The following CTNNA3 variants were observed in gnomAD, a reference collection of about 807,000 sequenced individuals.
The protein encoded by CTNNA3 is catenin alpha-3.
A neutral mutation model predicts 95.7 loss-of-function variants in CTNNA3; 76 were observed. That is an observed-to-expected ratio of 0.79 (90% CI 0.66 to 0.96). CTNNA3 has a LOEUF of 0.96. CTNNA3 is among the 40% of genes least tolerant of loss of function. The pLI is 0.00. For missense variants in CTNNA3, 1,191 were observed against 1,089.8 expected, an observed-to-expected ratio of 1.09 and a Z score of -1.31; for synonymous variants, 431 against 374.4, an observed-to-expected ratio of 1.15 and a Z score of -1.74.
intron 10 of CTNNA3, among the ~76,000 whole-genome samples, chr10:66,618,496 A>T (rs1251296182): frequency 2.6e-5 from 4 of 152,144 alleles, no homozygotes; most frequent in Non-Finnish European, 2.9e-5. Flanking sequence ...CTGGGAAAAC[A>T]GGCTAGCCAT....
At chr10:67,074,206 T>A (rs1373869975) in intron 7 of CTNNA3, among the ~76,000 whole-genome samples, 2 of 151,688 alleles carry the variant, frequency 1.3e-5, no homozygotes, top group Non-Finnish European at 2.9e-5. Flanking sequence ...CTAATTTTTG[T>A]ACTTTTAATA....
intron 7 of CTNNA3, among the ~76,000 whole-genome samples, chr10:66,996,647 T>TATAAAAAAAAAA (rs1440460577): frequency 1.1e-4 from 1 of 8,950 alleles, no homozygotes. Flanking sequence ...ACTCCGTCTC[T>TATAAAAAAAAAA]ACAAAAAAAA....
At position 65,961,611 on chromosome 10, in the gene CTNNA3, T is replaced by A. The variant is rs555676673; in HGVS notation, c.2400+5001A>T. Among the ~76,000 whole-genome samples, 7 of 152,200 alleles carry A rather than the reference T, an allele frequency of 4.6e-5. No individual in the cohort carries two copies. The South Asian group carries it at 1.5e-3, about 32-fold the overall frequency. ...ACTGTTAGCTGCCACCCAATATCCA[T>A]TCTCTTTTTCATAGAAACAGAACTC... On this transcript the variant is annotated intron_variant, in intron 17 of 17. Transcript: ENST00000433211.
intron 13 of CTNNA3, among the ~76,000 whole-genome samples, chr10:66,105,437 C>A (rs1287199576): frequency 1.3e-5 from 2 of 152,184 alleles, no homozygotes; most frequent in African/African-American, 4.8e-5. Context: ...TGAAGGCTGT[C>A]TGGTGTCCCT....
At chr10:66,493,004 G>GA (rs140610495) in intron 11 of CTNNA3, among the ~76,000 whole-genome samples, 5,438 of 151,984 alleles carry the variant, frequency 0.036, 321 homozygotes, top group African/African-American at 0.12. Flanking sequence ...GAATTGTGTT[G>GA]AAAAAAGAAT....
At chr10:66,624,666 G>A (rs1006998338) in intron 9 of CTNNA3, among the ~76,000 whole-genome samples, 1 of 152,096 alleles carries the variant, frequency 6.6e-6, no homozygotes, top group Non-Finnish European at 1.5e-5. Flanking sequence ...AAAACTCAAT[G>A]TCTTAGCCAA....
chr10:67,142,079 T>C (rs1375219878), intron 7 of CTNNA3, among the ~76,000 whole-genome samples: 1 of 152,138 alleles, frequency 6.6e-6, no homozygotes, highest in Non-Finnish European at 1.5e-5. Context: ...AGATTAATCT[T>C]CTTCAACAAA....
At chr10:66,092,182 TCAA>T (rs1444207369) in intron 14 of CTNNA3, among the ~76,000 whole-genome samples, 1 of 151,850 alleles carries the variant, frequency 6.6e-6, no homozygotes, top group Non-Finnish European at 1.5e-5. Flanking sequence ...ATATACACAA[TCAA>T]CAACGTTCAA....
intron 3 of CTNNA3, among the ~76,000 whole-genome samples, chr10:67,601,884 CCT>C (rs1474868176): frequency 6.6e-6 from 1 of 152,122 alleles, no homozygotes; most frequent in African/African-American, 2.4e-5. Context: ...TTATACTACC[CCT>C]GTTTCACCTT....
intron 7 of CTNNA3, among the ~76,000 whole-genome samples, chr10:66,870,627 C>T (rs1257091025): frequency 2.0e-5 from 3 of 152,128 alleles, no homozygotes; most frequent in Non-Finnish European, 4.4e-5. Context: ...ACATTCTAAG[C>T]TTTAGCCATG....
chr10:67,693,991 C>G (rs1840916520), intron 1 of CTNNA3, among the ~76,000 whole-genome samples: 1 of 152,158 alleles, frequency 6.6e-6, no homozygotes, highest in Non-Finnish European at 1.5e-5. Flanking sequence ...CAGATTTTCT[C>G]CAAATACTTC....
intron 5 of CTNNA3, among the ~76,000 whole-genome samples, chr10:67,232,628 T>C (rs1473981392): frequency 6.6e-6 from 1 of 150,378 alleles, no homozygotes; most frequent in East Asian, 2.0e-4. Context: ...CCAGCTAACA[T>C]CATAATGACA....
intron 9 of CTNNA3, among the ~76,000 whole-genome samples, chr10:66,688,262 A>G (rs1363170079): frequency 6.6e-6 from 1 of 152,194 alleles, no homozygotes; most frequent in African/African-American, 2.4e-5. Flanking sequence ...AAAGCAATCA[A>G]GAACTTCCCT....
chr10:67,251,357 G>T (rs955381996), intron 5 of CTNNA3, among the ~76,000 whole-genome samples: 1 of 152,082 alleles, frequency 6.6e-6, no homozygotes, highest in Non-Finnish European at 1.5e-5. Flanking sequence ...ATGGGTACAG[G>T]GTTGCTTTTG....
At chr10:66,569,372 T>G (rs1011277992) in intron 10 of CTNNA3, among the ~76,000 whole-genome samples, 1 of 152,176 alleles carries the variant, frequency 6.6e-6, no homozygotes, top group South Asian at 2.1e-4. Flanking sequence ...TATTGTATTC[T>G]TTTATGGACT....
chr10:66,710,978 T>C (rs955041907), intron 9 of CTNNA3, among the ~76,000 whole-genome samples: 4 of 152,230 alleles, frequency 2.6e-5, no homozygotes, highest in African/African-American at 9.6e-5. Flanking sequence ...ATCCATGCCT[T>C]GCTGTAGAAT....
chr10:67,478,895 T>C, intron 5 of CTNNA3, among the ~76,000 whole-genome samples: 1 of 148,344 alleles, frequency 6.7e-6, no homozygotes, highest in East Asian at 2.0e-4. Flanking sequence ...ATGACACCCA[T>C]AGGCTACCAA....
At chr10:67,647,178 T>TATATATATA (rs1213827670) in intron 2 of CTNNA3, among the ~76,000 whole-genome samples, 4 of 125,954 alleles carry the variant, frequency 3.2e-5, no homozygotes, top group Non-Finnish European at 7.3e-5. Flanking sequence ...ATATATATAT[T>TATATATATA]ATTACTGCTA....
At position 67,029,599 on chromosome 10, in the gene CTNNA3, G is replaced by A. The variant is rs996875001; in HGVS notation, c.1047+150718C>T. On this transcript the variant is annotated intron_variant, in intron 7 of 17. Transcript: ENST00000433211. ...TAACATTGTATTATTTAAAACTTACGTAGGTTACAAAAGAGAGGTTTGGGA... is the reference window on the plus strand; with the variant it reads ...TAACATTGTATTATTTAAAACTTACATAGGTTACAAAAGAGAGGTTTGGGA... Among the ~76,000 whole-genome samples the A allele has an allele frequency of 5.3e-5, 8 of 152,156 alleles. No homozygotes were observed. The South Asian group carries it at 8.3e-4, about 16-fold the overall frequency.
Sources: allele counts gnomAD v4.1 joint callset (sites outside exome capture counted in the v4.1 genomes callset), GRCh38; gene constraint gnomAD v4.1.1; transcripts MANE v1.5; gene names NCBI Gene and HGNC (gene_info 2026-07-23, HGNC 2026-07-21).